The following AGPAT3 variants were observed in gnomAD, a reference collection of about 807,000 sequenced individuals.
The protein encoded by AGPAT3 is 1-acylglycerol-3-phosphate O-acyltransferase 3.
AGPAT3 carries 5 observed loss-of-function variants against 47.3 expected under a neutral mutation model. The ratio of observed to expected loss-of-function variants is 0.11; its 90% CI spans 0.06 to 0.22. The LOEUF (loss-of-function observed/expected upper bound fraction) is 0.22. Among genes scored for constraint, AGPAT3 ranks in the 10% least tolerant of loss-of-function variants. The probability of loss-of-function intolerance (pLI) is 1.00; values close to 1 mark genes in which losing one functional copy is unlikely to be tolerated. For synonymous variants in AGPAT3, 212 were observed against 208.3 expected, an observed-to-expected ratio of 1.02 and a Z score of -0.15; for missense variants, 315 against 493.0, an observed-to-expected ratio of 0.64 and a Z score of 3.42.
chr21:43,909,244 C>T (rs191738784), intron 2 of AGPAT3, among the ~76,000 whole-genome samples: 213 of 152,036 alleles, frequency 1.4e-3, no homozygotes, highest in Middle Eastern at 6.8e-3. Flanking sequence ...GGCCCCTTCA[C>T]GGCAGGCAGT....
Position 43,920,272 on chromosome 21 carries a change from A to C in AGPAT3, c.-49+16253A>C, listed in dbSNP as rs114433733. Among the ~76,000 whole-genome samples the C allele has an allele frequency of 2.6e-5, 4 of 151,732 alleles. No individual in the cohort carries two copies. The highest frequency in any genetic ancestry group is 9.7e-5 in the African/African-American group (4 of 41,286). ...GTGTAAGGGTGTGTGTAAAGCGTGA[A>C]TGTGTCAGTGTGAGAGTGTGTGTGT... On this transcript the variant is annotated intron_variant, in intron 2 of 9. Coordinates refer to ENST00000291572, the MANE Select transcript of AGPAT3 (RefSeq NM_020132.5). This position sits in a 1 kb window ranked among gnomAD's most constrained non-coding sequence, Gnocchi z 6.1.
chr21:43,946,294 C>A (rs2087885683), intron 2 of AGPAT3, among the ~76,000 whole-genome samples: 1 of 152,132 alleles, frequency 6.6e-6, no homozygotes, highest in Admixed American at 6.5e-5. Context: ...TTGTAAATTG[C>A]AAAATATAAT....
chr21:43,925,964 C>G (rs893187785), intron 2 of AGPAT3, among the ~76,000 whole-genome samples: 1 of 152,236 alleles, frequency 6.6e-6, no homozygotes, highest in South Asian at 2.1e-4. Context: ...GGAGAAGCGG[C>G]GAGGCCCACG....
chr21:43,924,156 G>A (rs1486686376), intron 2 of AGPAT3, among the ~76,000 whole-genome samples: 2 of 151,516 alleles, frequency 1.3e-5, no homozygotes, highest in Non-Finnish European at 1.5e-5. Context: ...TGGGACTACA[G>A]GTGCCCGCCA....
At chr21:43,961,153 AAAAG>A (rs1447853889) in intron 3 of AGPAT3, among the ~76,000 whole-genome samples, 7 of 152,094 alleles carry the variant, frequency 4.6e-5, no homozygotes, top group African/African-American at 1.4e-4. Flanking sequence ...AAAAAAAAAA[AAAAG>A]AAAACAAAAA....
Position 43,918,065 on chromosome 21 carries a change from GGTTGTGGGT to G in AGPAT3, c.-49+14071_-49+14079del, listed in dbSNP as rs1483618456. On this transcript the variant is annotated intron_variant, in intron 2 of 9. Transcript: ENST00000291572. Reference sequence around the variant, plus strand: ...GTGTTGTGGGGGTTGTGGGTGTTGGGGTTGTGGGTGTTGTGGGTGTTGTGGGTGTTGTGT... The same window carrying G: ...GTGTTGTGGGGGTTGTGGGTGTTGGGGTTGTGGGTGTTGTGGGTGTTGTGT... Among the ~76,000 whole-genome samples, 703 of 144,252 alleles carry G rather than the reference GGTTGTGGGT, an allele frequency of 4.9e-3. 4 individuals are homozygous for G. Among genetic ancestry groups the G allele is most frequent in the African/African-American group, 0.013 (501 of 38,242 alleles). The allele number at this position is 144,252 out of a possible 152,430, so 94.6% of individuals were successfully genotyped here. A position where few individuals can be genotyped will look rare whatever the true frequency, so the allele number is the denominator to read the frequency against.
At position 43,877,535 on chromosome 21, in the gene AGPAT3, C is replaced by T. The variant is rs954402046; in HGVS notation, c.-112+12190C>T. ...TTGGCTCACCACAACTTCCGCCCCC[C>T]GGGTTCAAGTGATTCTCCTGCCTCA... On this transcript the variant is annotated intron_variant, in intron 1 of 9. Transcript: ENST00000291572. Among the ~76,000 whole-genome samples the T allele has an allele frequency of 8.5e-5, 13 of 152,076 alleles. No individual in the cohort carries two copies. In the South Asian group the frequency reaches 1.5e-3, roughly 17 times the overall value.
intron 3 of AGPAT3, among the ~76,000 whole-genome samples, chr21:43,964,496 C>G (rs1369232871): frequency 6.6e-6 from 1 of 151,780 alleles, no homozygotes; most frequent in African/African-American, 2.4e-5. Flanking sequence ...AGCCCAGGTT[C>G]AGATTTTAAT....
chr21:43,968,901 C>A (rs1381893380), intron 4 of AGPAT3, among the ~76,000 whole-genome samples: 1 of 152,162 alleles, frequency 6.6e-6, no homozygotes, highest in Non-Finnish European at 1.5e-5. Context: ...TCCCTGAGGG[C>A]CCTCCCAGCC....
rs2087208893 is a variant in AGPAT3, at chr21:43,930,603, A to G, written c.-49+26584A>G. Among the ~76,000 whole-genome samples the G allele has an allele frequency of 1.1e-5, 1 of 93,692 alleles. No individual in the cohort carries two copies. The highest frequency in any genetic ancestry group is 2.0e-5 in the Non-Finnish European group (1 of 49,778). 61.5% of individuals were successfully genotyped at this position (93,692 alleles called of 152,430 possible). On this transcript the variant is annotated intron_variant, in intron 2 of 9. Transcript: ENST00000291572. The surrounding 1 kb of genome is among the most constrained non-coding windows in gnomAD (Gnocchi z 5.0). ...GCAGCTCCTGATTGTGGGTGTCCAC[A>G]GTGGGCAGGCCTGGCGGGGTGAGGG...
chr21:43,967,933 C>G lies in AGPAT3; in HGVS notation c.179-13C>G, dbSNP rs1179291170. On this transcript the variant is annotated splice_polypyrimidine_tract_variant and intron_variant, in intron 3 of 9. Transcript: ENST00000291572. ...GGGTCCTACCAGTGCCAACGCCCTC[C>G]CCCTGTCCGCAGAACTGGTCATGCT... 1 of 1,612,352 alleles carries G rather than the reference C, an allele frequency of 6.2e-7. No individual in the cohort carries two copies. The highest frequency in any genetic ancestry group is 1.1e-5 in the South Asian group (1 of 90,998).
chr21:43,951,402 C>T (rs946083759), intron 2 of AGPAT3, among the ~76,000 whole-genome samples: 3 of 152,224 alleles, frequency 2.0e-5, no homozygotes, highest in African/African-American at 4.8e-5. Flanking sequence ...CTTTCTCCTC[C>T]GCCAACTGCT....
At chr21:43,977,899 A>G in intron 7 of AGPAT3, 147 bp from the exon 8 acceptor site, 1 of 597,778 alleles carries the variant, frequency 1.7e-6, no homozygotes. Flanking sequence ...AAAAAAAAAA[A>G]GAAAAGAAAA....
chr21:43,981,801 C>T lies in AGPAT3; in HGVS notation c.1043-503C>T. 6.6e-6 allele frequency among the ~76,000 whole-genome samples: 1 copy of T among 152,146 alleles called. No individual in the cohort carries two copies. The highest frequency in any genetic ancestry group is 1.9e-4 in the East Asian group (1 of 5,194). Reference sequence around the variant, plus strand: ...AGGCCCAGCAGCTGGGCCAGCTCCTCCCCTGCTCCTGCCGCCCCTGCCAGG... The same window carrying T: ...AGGCCCAGCAGCTGGGCCAGCTCCTTCCCTGCTCCTGCCGCCCCTGCCAGG... On this transcript the variant is annotated intron_variant, in intron 9 of 9. Transcript: ENST00000291572. This position sits in a 1 kb window ranked among gnomAD's most constrained non-coding sequence, Gnocchi z 5.3.
At chr21:43,871,914 C>T (rs2085633063) in intron 1 of AGPAT3, among the ~76,000 whole-genome samples, 1 of 151,700 alleles carries the variant, frequency 6.6e-6, no homozygotes, top group Non-Finnish European at 1.5e-5. Context: ...TAATTTTATC[C>T]ATCCTTCTTT....
intron 2 of AGPAT3, among the ~76,000 whole-genome samples, chr21:43,912,615 C>T (rs887406397): frequency 2.6e-5 from 4 of 152,196 alleles, no homozygotes; most frequent in Admixed American, 6.5e-5. Context: ...ATCAGTGGTG[C>T]GTGGCCATGG....
At chr21:43,887,329 C>T (rs527709230) in intron 1 of AGPAT3, among the ~76,000 whole-genome samples, 2 of 152,308 alleles carry the variant, frequency 1.3e-5, no homozygotes, top group East Asian at 3.9e-4. Context: ...CCAAATGCAG[C>T]CTAGGAACCT....
intron 1 of AGPAT3, among the ~76,000 whole-genome samples, chr21:43,889,607 C>A (rs1260176857): frequency 6.6e-6 from 1 of 152,222 alleles, no homozygotes; most frequent in Non-Finnish European, 1.5e-5. Flanking sequence ...GAGGCACACA[C>A]ATTTTTTGAT....
chr21:43,870,138 G>C (rs1378777896), intron 1 of AGPAT3, among the ~76,000 whole-genome samples: 1 of 152,182 alleles, frequency 6.6e-6, no homozygotes, highest in Non-Finnish European at 1.5e-5. Flanking sequence ...CGTCCTCCTT[G>C]GACTCCCTGC....
Sources: allele counts gnomAD v4.1 joint callset (sites outside exome capture counted in the v4.1 genomes callset), GRCh38; gene constraint gnomAD v4.1.1; non-coding constraint Gnocchi (gnomAD v3.1); transcripts MANE v1.5; gene names NCBI Gene and HGNC (gene_info 2026-07-23, HGNC 2026-07-21).